The following SLC23A2 variants were observed in gnomAD, a reference collection of about 807,000 sequenced individuals.
SLC23A2 encodes the protein Na(+)/L-ascorbic acid transporter 2.
In SLC23A2, 36 loss-of-function variants were observed where a neutral mutation model predicts 73.3. The observed-to-expected ratio is 0.49, with a 90% CI of 0.38 to 0.65. The LOEUF (loss-of-function observed/expected upper bound fraction) is 0.65. SLC23A2 is among the 30% of genes least tolerant of loss of function. SLC23A2 has a pLI of 0.00. For synonymous variants in SLC23A2, 343 were observed against 327.3 expected (o/e 1.05, Z -0.52); for missense variants, 507 against 841.6 (o/e 0.60, Z 4.92).
At chr20:4,884,639 A>G (rs1931025016) in intron 8 of SLC23A2, 114 bp downstream of exon 8, 1 of 749,890 alleles carries the variant, frequency 1.3e-6, no homozygotes, top group African/African-American at 1.8e-5. Context: ...ACTATCAGTA[A>G]TTGAAAAAGA....
rs111280291 is a variant in SLC23A2, at chr20:4,988,730, G to A, written c.-282+12676C>T. Among the ~76,000 whole-genome samples the A allele has an allele frequency of 4.5e-4, 49 of 107,694 alleles. 1 individual carries two copies. Among genetic ancestry groups the A allele is most frequent in the African/African-American group, 1.3e-3 (46 of 35,478 alleles). The allele number at this position is 107,694 out of a possible 152,430, so 70.7% of individuals were successfully genotyped here. On this transcript the variant is annotated intron_variant, in intron 1 of 16. Coordinates refer to ENST00000338244, the MANE Select transcript of SLC23A2 (RefSeq NM_005116.6). ...CAGCCTAGCGATAGAGAGAGACTTC[G>A]TCTCAAAAAAAAAAAAAGAAAGAAA...
At chr20:4,993,082 T>C (rs2087954696) in intron 1 of SLC23A2, among the ~76,000 whole-genome samples, 1 of 151,272 alleles carries the variant, frequency 6.6e-6, no homozygotes, top group Non-Finnish European at 1.5e-5. Flanking sequence ...ATCGAGCCCA[T>C]CCTGGCCAAC....
chr20:4,937,452 C>T (rs886345417), intron 2 of SLC23A2, among the ~76,000 whole-genome samples: 8 of 152,056 alleles, frequency 5.3e-5, no homozygotes, highest in African/African-American at 1.9e-4. Flanking sequence ...ATCATGATGG[C>T]GACAATGGCA....
intron 2 of SLC23A2, among the ~76,000 whole-genome samples, chr20:4,955,787 T>G (rs1490250932): frequency 6.6e-6 from 1 of 151,826 alleles, no homozygotes; most frequent in Non-Finnish European, 1.5e-5. Flanking sequence ...AGATTCTGTC[T>G]GAAAAATAAT....
rs1930981590 is a variant in SLC23A2 at position 4,883,681 on chromosome 20, G to A, written c.785C>T (p.Ala262Val). The change falls in exon 9 of 17, where the codon GCG becomes GTG. Residue 262 changes from alanine to valine, a missense_variant. By Grantham distance (64) the Ala-to-Val change is moderately conservative. Transcript: ENST00000338244. The surrounding 1 kb of genome is among the most constrained non-coding windows in gnomAD (Gnocchi z 4.5). ...ALIGLSGFQA[A>V]GERAGKHWGI... is the part of the protein sequence containing the mutation. ...CCAGTGCTTCCCGGCTCTCTCCCCC[G>A]CTGCCTGGAAACCAGAGAGGCCAAT... is the stretch of plus-strand genomic sequence containing the variant. 1.1e-5 allele frequency: 17 copies of A among 1,612,940 alleles called. No homozygotes were observed. The highest frequency in any genetic ancestry group is 2.7e-5 in the African/African-American group (2 of 74,828).
chr20:5,000,802 G>T (rs887752560), intron 1 of SLC23A2, among the ~76,000 whole-genome samples: 1 of 152,228 alleles, frequency 6.6e-6, no homozygotes, highest in Non-Finnish European at 1.5e-5. Flanking sequence ...CAAGGAGGGG[G>T]ACTCGCGACC....
chr20:4,984,276 C>T (rs549145731), intron 1 of SLC23A2, among the ~76,000 whole-genome samples: 18 of 151,062 alleles, frequency 1.2e-4, no homozygotes, highest in Admixed American at 5.3e-4. Context: ...CAGTCTCGGC[C>T]GGGTGCAGTG....
intron 2 of SLC23A2, among the ~76,000 whole-genome samples, chr20:4,957,955 C>T (rs1213592263): frequency 6.6e-6 from 1 of 152,060 alleles, no homozygotes; most frequent in African/African-American, 2.4e-5. Context: ...CACTTAAAGC[C>T]TGGCCACTCA....
intron 1 of SLC23A2, among the ~76,000 whole-genome samples, chr20:4,988,239 T>C (rs940669229): frequency 6.6e-6 from 1 of 151,256 alleles, no homozygotes; most frequent in African/African-American, 2.4e-5. Flanking sequence ...GAGGCGGAGG[T>C]TGCAGTGAGC....
Position 4,856,844 on chromosome 20 carries a change from A to T in SLC23A2, c.*128T>A. On this transcript the variant is annotated 3_prime_UTR_variant, in exon 17 of 17. Coordinates refer to ENST00000338244, the MANE Select transcript of SLC23A2 (RefSeq NM_005116.6). The surrounding 1 kb of genome is among the most constrained non-coding windows in gnomAD (Gnocchi z 4.6). Reference sequence around the variant, plus strand: ...CCCTCACAGCAGAAAAGTGATTCGCAGTCTGTCTTAGCTCTGGGGCGCAGA... The same window carrying T: ...CCCTCACAGCAGAAAAGTGATTCGCTGTCTGTCTTAGCTCTGGGGCGCAGA... The T allele has an allele frequency of 1.5e-6, 1 of 661,228 alleles. No individual in the cohort carries two copies. The allele number at this position is 661,228 out of a possible 1,614,324, so 41.0% of individuals were successfully genotyped here.
chr20:4,999,670 G>T (rs1182501891), intron 1 of SLC23A2, among the ~76,000 whole-genome samples: 2 of 151,794 alleles, frequency 1.3e-5, no homozygotes, highest in African/African-American at 2.4e-5. Context: ...TGGGATTACA[G>T]GTGTGAACCA....
chr20:4,968,253 C>T (rs960900154), intron 2 of SLC23A2, among the ~76,000 whole-genome samples: 1 of 152,082 alleles, frequency 6.6e-6, no homozygotes, highest in Non-Finnish European at 1.5e-5. Flanking sequence ...TGAAAGATGG[C>T]GGGAATCCCA....
chr20:4,867,157 T>C (rs752983428), intron 13 of SLC23A2, among the ~76,000 whole-genome samples: 1 of 151,624 alleles, frequency 6.6e-6, no homozygotes, highest in Admixed American at 6.6e-5. Flanking sequence ...TGCCTGCCTG[T>C]GTAACCTGCT....
intron 1 of SLC23A2, among the ~76,000 whole-genome samples, chr20:4,986,628 T>C (rs2122298517): frequency 8.4e-6 from 1 of 119,678 alleles, no homozygotes; most frequent in South Asian, 3.1e-4. Flanking sequence ...AACTTTTGTC[T>C]GAGATACATA....
chr20:4,977,728 G>A (rs1341096945), intron 1 of SLC23A2, among the ~76,000 whole-genome samples: 3 of 151,100 alleles, frequency 2.0e-5, no homozygotes, highest in South Asian at 2.1e-4. Context: ...GAAAAGAGAC[G>A]AGATCTCATT....
At chr20:4,948,978 G>A (rs189845753) in intron 2 of SLC23A2, among the ~76,000 whole-genome samples, 1 of 152,092 alleles carries the variant, frequency 6.6e-6, no homozygotes, top group Non-Finnish European at 1.5e-5. Flanking sequence ...TCAGACTTCT[G>A]AAACTCTGCA....
intron 6 of SLC23A2, among the ~76,000 whole-genome samples, chr20:4,898,833 G>T (rs556211388): frequency 2.0e-5 from 3 of 152,216 alleles, no homozygotes; most frequent in African/African-American, 7.2e-5. Context: ...TGGAATAAAG[G>T]CCACACTGGA....
Position 4,899,217 on chromosome 20 carries a change from G to A in SLC23A2, c.482+338C>T, listed in dbSNP as rs1437731475. On this transcript the variant is annotated intron_variant, in intron 6 of 16. Transcript: ENST00000338244. This position sits in a 1 kb window ranked among gnomAD's most constrained non-coding sequence, Gnocchi z 4.9. ...GTGCCCTGGAGGCAGGGAAGCCAAC[G>A]GGGAGCCTGGTGGGACACTCTGGTC... Among the ~76,000 whole-genome samples the A allele has an allele frequency of 2.6e-5, 4 of 152,310 alleles. No homozygotes were observed. The highest frequency in any genetic ancestry group is 7.2e-5 in the African/African-American group (3 of 41,564).
intron 2 of SLC23A2, among the ~76,000 whole-genome samples, chr20:4,946,786 G>A (rs143696096): frequency 1.3e-5 from 2 of 152,280 alleles, no homozygotes; most frequent in East Asian, 3.9e-4. Flanking sequence ...TTGCCTGCTT[G>A]TTCAGAAGAG....
Sources: gnomAD v4.1 joint callset for allele counts (sites outside exome capture counted in the v4.1 genomes callset) on GRCh38, gnomAD v4.1.1 for gene constraint, Gnocchi (gnomAD v3.1) non-coding constraint, MANE v1.5 for transcripts, NCBI Gene and HGNC (gene_info 2026-07-23, HGNC 2026-07-21) for gene names.